RAB3IP: variants seen among roughly 807,000 people sequenced by gnomAD.
RAB3IP encodes the protein RAB3A interacting protein.
In RAB3IP, 36 loss-of-function variants were observed where a neutral mutation model predicts 59.1. The observed-to-expected ratio is 0.61, with a 90% CI of 0.47 to 0.80. The LOEUF is 0.80. RAB3IP is among the 30% of genes least tolerant of loss of function. The pLI is 0.00. For missense variants in RAB3IP, 511 were observed against 536.0 expected, an observed-to-expected ratio of 0.95 and a Z score of 0.46; for synonymous variants, 207 against 191.2, an observed-to-expected ratio of 1.08 and a Z score of -0.68.
rs1244461662 is a variant in RAB3IP, at chr12:69,784,779, A to C, written c.570A>C (p.Gly190=). 1 of 1,610,734 alleles carries C rather than the reference A, an allele frequency of 6.2e-7. No individual in the cohort carries two copies. The highest frequency in any genetic ancestry group is 8.5e-7 in the Non-Finnish European group (1 of 1,177,932). The change falls in exon 4 of 11, where the codon GGA becomes GGC. Residue 190 remains glycine, a synonymous_variant. Coordinates refer to ENST00000247833, the MANE Select transcript of RAB3IP (RefSeq NM_022456.5). The part of the protein sequence containing the change: ...ERLSKVRDQL[G]QELEELTASL... Reference sequence around the variant, plus strand: ...TTTCAAAAGTGCGAGATCAACTTGGACAGGAATTGGAAGAACTCACAGCTA... The same window carrying C: ...TTTCAAAAGTGCGAGATCAACTTGGCCAGGAATTGGAAGAACTCACAGCTA...
intron 3 of RAB3IP, among the ~76,000 whole-genome samples, chr12:69,760,383 A>G (rs1166633808): frequency 6.6e-6 from 1 of 151,848 alleles, no homozygotes; most frequent in Non-Finnish European, 1.5e-5. Flanking sequence ...AGAGAGGGCG[A>G]GGGAGACCGT....
chr12:69,752,341 A>AT (rs1410474932), intron 1 of RAB3IP, among the ~76,000 whole-genome samples: 1 of 150,598 alleles, frequency 6.6e-6, no homozygotes, highest in Admixed American at 6.6e-5. Flanking sequence ...ATATTTATTT[A>AT]TTTTTATTCT....
rs1881023310 is a variant in RAB3IP, at chr12:69,815,383, G to A, written c.1320G>A (p.Glu440=). Residue 440 remains glutamate (E), a synonymous_variant, in exon 11 of 11, where the codon GAG becomes GAA. Transcript: ENST00000247833. ...GTATAGTTGATCAGATGTTTTGGGAGGTTATGCAGTTGAGAAAAGAGATGT... is the reference window on the plus strand; with the variant it reads ...GTATAGTTGATCAGATGTTTTGGGAAGTTATGCAGTTGAGAAAAGAGATGT... ...KQQDVDQMFW[E]VMQLRKEMSL... 1 of 1,610,484 alleles carries A rather than the reference G, an allele frequency of 6.2e-7. No homozygotes were observed. The highest frequency in any genetic ancestry group is 1.1e-5 in the South Asian group (1 of 90,958).
At position 69,817,955 on chromosome 12, in the gene RAB3IP, A is replaced by C. The variant is rs1210899744; in HGVS notation, c.*2509A>C. 1 of 152,232 alleles carries C rather than the reference A, an allele frequency of 6.6e-6. No homozygotes were observed. Among genetic ancestry groups the C allele is most frequent in the Non-Finnish European group, 1.5e-5 (1 of 68,042 alleles). 9.4% of individuals were successfully genotyped at this position (152,232 alleles called of 1,614,324 possible). A position where few individuals can be genotyped will look rare whatever the true frequency, so the allele number is the denominator to read the frequency against. On this transcript the variant is annotated 3_prime_UTR_variant, in exon 11 of 11. Transcript: ENST00000247833. Reference sequence around the variant, plus strand: ...AGGCCTTCCACACAATTAGAAGTGCATGTGGGCCAATAAACATTAAGAGGT... The same window carrying C: ...AGGCCTTCCACACAATTAGAAGTGCCTGTGGGCCAATAAACATTAAGAGGT...
chr12:69,779,449 C>T (rs1322018749), intron 3 of RAB3IP, among the ~76,000 whole-genome samples: 1 of 151,764 alleles, frequency 6.6e-6, no homozygotes, highest in Non-Finnish European at 1.5e-5. Flanking sequence ...TCCCATTTGT[C>T]TTTCTTTATT....
At chr12:69,762,938 A>AT (rs143191019) in intron 3 of RAB3IP, among the ~76,000 whole-genome samples, 1 of 152,050 alleles carries the variant, frequency 6.6e-6, no homozygotes, top group Non-Finnish European at 1.5e-5. Flanking sequence ...ATTTGTAAAC[A>AT]TTAACAAATA....
chr12:69,792,801 C>G (rs565378325), intron 4 of RAB3IP, among the ~76,000 whole-genome samples: 27 of 152,250 alleles, frequency 1.8e-4, no homozygotes, highest in African/African-American at 6.5e-4. Context: ...AAGTTTACTT[C>G]ACTATTTTGT....
At chr12:69,807,749 C>T (rs1879685260) in intron 8 of RAB3IP, among the ~76,000 whole-genome samples, 1 of 146,092 alleles carries the variant, frequency 6.8e-6, no homozygotes, top group Non-Finnish European at 1.5e-5. Flanking sequence ...GCTCACTTCC[C>T]AGATGGGGCG....
chr12:69,742,923 C>T (rs916877235), intron 1 of RAB3IP, among the ~76,000 whole-genome samples: 1 of 152,022 alleles, frequency 6.6e-6, no homozygotes, highest in African/African-American at 2.4e-5. Context: ...TAACTATAGC[C>T]GTAAACTGAT....
In RAB3IP at chr12:69,816,646, G is replaced by A. The variant is rs1881169126; in HGVS notation, c.*1200G>A. ...CCTTATCTGTACACTTCTGAACATTGTGGAGTTCTTTCATGTGGATGCCTG... is the reference window on the plus strand; with the variant it reads ...CCTTATCTGTACACTTCTGAACATTATGGAGTTCTTTCATGTGGATGCCTG... On this transcript the variant is annotated 3_prime_UTR_variant, in exon 11 of 11. Transcript: ENST00000247833. The A allele has an allele frequency of 6.6e-6, 1 of 152,128 alleles. No homozygotes were observed. Among genetic ancestry groups the A allele is most frequent in the Non-Finnish European group, 1.5e-5 (1 of 68,028 alleles). The allele number at this position is 152,128 out of a possible 1,614,324, so 9.4% of individuals were successfully genotyped here.
chr12:69,804,061 G>A (rs543915769), intron 8 of RAB3IP, among the ~76,000 whole-genome samples: 1 of 152,208 alleles, frequency 6.6e-6, no homozygotes, highest in African/African-American at 2.4e-5. Flanking sequence ...CTAGATCCCT[G>A]AGGAATCGCC....
Position 69,739,596 on chromosome 12 carries a change from C to T in RAB3IP, c.-26+565C>T, listed in dbSNP as rs984580513. ...GCACCGTGCTGAGGCGTAGAGGTCA[C>T]CCTCGGGAGGTTTCGGTGAAACCTG... is the stretch of plus-strand genomic sequence containing the variant. On this transcript the variant is annotated intron_variant, in intron 1 of 10. Coordinates refer to ENST00000247833, the MANE Select transcript of RAB3IP (RefSeq NM_022456.5). 5.2e-6 allele frequency: 3 copies of T among 582,504 alleles called. No individual in the cohort carries two copies. In the South Asian group the frequency reaches 6.0e-5, roughly 12 times the overall value. 36.1% of individuals were successfully genotyped at this position (582,504 alleles called of 1,614,324 possible).
At chr12:69,803,951 A>G (rs1434512500) in intron 8 of RAB3IP, among the ~76,000 whole-genome samples, 13 of 152,340 alleles carry the variant, frequency 8.5e-5, no homozygotes, top group African/African-American at 1.2e-4. Flanking sequence ...TAGTGCCGCA[A>G]TAAACATACA....
chr12:69,742,850 G>A (rs1887487765), intron 1 of RAB3IP, among the ~76,000 whole-genome samples: 1 of 152,164 alleles, frequency 6.6e-6, no homozygotes, highest in South Asian at 2.1e-4. Context: ...CATAGTCATG[G>A]TTAGAGAAAA....
At chr12:69,752,320 A>G (rs1016371179) in intron 1 of RAB3IP, among the ~76,000 whole-genome samples, 1 of 147,346 alleles carries the variant, frequency 6.8e-6, no homozygotes, top group Non-Finnish European at 1.5e-5. Flanking sequence ...TTAAAAAAAA[A>G]TTATATATAT....
chr12:69,797,425 C>G (rs1336049595), intron 6 of RAB3IP, among the ~76,000 whole-genome samples: 1 of 148,324 alleles, frequency 6.7e-6, no homozygotes, highest in Non-Finnish European at 1.5e-5. Context: ...TAGAATCTTT[C>G]CTTAGAATAC....
chr12:69,744,993 A>G (rs1338535570), intron 1 of RAB3IP, among the ~76,000 whole-genome samples: 1 of 152,190 alleles, frequency 6.6e-6, no homozygotes, highest in Non-Finnish European at 1.5e-5. Context: ...GTATTTGAAT[A>G]AATTTTGAAC....
chr12:69,807,836 GC>G (rs1879708648), intron 8 of RAB3IP, among the ~76,000 whole-genome samples: 1 of 150,432 alleles, frequency 6.6e-6, no homozygotes, highest in African/African-American at 2.5e-5. Context: ...AGACGGGGCG[GC>G]CGTGCGGAGG....
chr12:69,767,422 G>A (rs1872390785), intron 3 of RAB3IP, among the ~76,000 whole-genome samples: 1 of 152,226 alleles, frequency 6.6e-6, no homozygotes. Context: ...CTCAGCTCCA[G>A]GGGGATGGGG....
Sources: allele counts gnomAD v4.1 joint callset (sites outside exome capture counted in the v4.1 genomes callset), GRCh38; gene constraint gnomAD v4.1.1; transcripts MANE v1.5; gene names NCBI Gene and HGNC (gene_info 2026-07-23, HGNC 2026-07-21).